Variants in MDGA2 observed in about 807,000 individuals in gnomAD.
MDGA2 encodes the protein MAM domain-containing glycosylphosphatidylinositol anchor protein 2.
MDGA2 carries 40 observed loss-of-function variants against 117.8 expected under a neutral mutation model. The ratio of observed to expected loss-of-function variants is 0.34; its 90% CI spans 0.26 to 0.44. The LOEUF is 0.44. Among genes scored for constraint, MDGA2 ranks in the 20% least tolerant of loss-of-function variants. MDGA2 has a pLI of 1.00. For synonymous variants in MDGA2, 452 were observed against 439.0 expected, an observed-to-expected ratio of 1.03 and a Z score of -0.37; for missense variants, 1,123 against 1,250.6, an observed-to-expected ratio of 0.90 and a Z score of 1.54.
At chr14:47,399,120 G>A (rs761868819) in intron 1 of MDGA2, among the ~76,000 whole-genome samples, 1 of 152,016 alleles carries the variant, frequency 6.6e-6, no homozygotes, top group Non-Finnish European at 1.5e-5. Context: ...TAAAAATTTT[G>A]GTATTGAAAG....
chr14:47,401,024 T>A (rs1211420595), intron 1 of MDGA2, among the ~76,000 whole-genome samples: 1 of 151,642 alleles, frequency 6.6e-6, no homozygotes, highest in African/African-American at 2.4e-5. Context: ...CCTAAAGTGC[T>A]GGGATTACAG....
intron 1 of MDGA2, among the ~76,000 whole-genome samples, chr14:47,363,572 A>G (rs1037513807): frequency 6.6e-6 from 1 of 152,062 alleles, no homozygotes; most frequent in Non-Finnish European, 1.5e-5. Context: ...TCAAATTTAT[A>G]TACACACCAA....
intron 3 of MDGA2, among the ~76,000 whole-genome samples, chr14:47,192,533 TGAACCTGGGAGGCAGA>T (rs1050769291): frequency 6.6e-6 from 1 of 151,974 alleles, no homozygotes; most frequent in African/African-American, 2.4e-5. Flanking sequence ...GGAAATTGCT[TGAACCTGGGAGGCAGA>T]GAACCTGGGA....
chr14:47,342,850 T>C (rs909900113), intron 1 of MDGA2: 1 of 344,496 alleles, frequency 2.9e-6, no homozygotes, highest in African/African-American at 2.2e-5. Flanking sequence ...CAAAGAAAAC[T>C]TCCTTAAACA....
chr14:47,360,873 G>T (rs891980421), intron 1 of MDGA2, among the ~76,000 whole-genome samples: 3 of 152,002 alleles, frequency 2.0e-5, no homozygotes, highest in Non-Finnish European at 4.4e-5. Context: ...AAATAAATCA[G>T]ATACAGAAAG....
intron 1 of MDGA2, among the ~76,000 whole-genome samples, chr14:47,502,318 C>T (rs1894415771): frequency 6.6e-6 from 1 of 152,092 alleles, no homozygotes; most frequent in South Asian, 2.1e-4. Context: ...GAGTGAGACC[C>T]TCATTTCTAA....
At chr14:47,246,528 G>A (rs1399047670) in intron 2 of MDGA2, among the ~76,000 whole-genome samples, 1 of 151,600 alleles carries the variant, frequency 6.6e-6, no homozygotes, top group Admixed American at 6.6e-5. Context: ...AGAGACTACT[G>A]ACAGGTATAG....
intron 1 of MDGA2, among the ~76,000 whole-genome samples, chr14:47,572,248 AC>A (rs555506354): frequency 2.0e-4 from 31 of 152,316 alleles, no homozygotes; most frequent in Middle Eastern, 3.4e-3. Flanking sequence ...ACTATGAACA[AC>A]AATTTTGACT....
chr14:47,287,815 T>C (rs1039009027), intron 2 of MDGA2, among the ~76,000 whole-genome samples: 1 of 152,136 alleles, frequency 6.6e-6, no homozygotes, highest in African/African-American at 2.4e-5. Flanking sequence ...GATACTGGAA[T>C]AGAGTGAGCC....
intron 5 of MDGA2, among the ~76,000 whole-genome samples, chr14:47,119,296 G>A (rs1184399516): frequency 2.6e-5 from 4 of 151,106 alleles, no homozygotes; most frequent in Non-Finnish European, 5.9e-5. Flanking sequence ...CAATCTCCTG[G>A]CCTCGTGCTC....
At chr14:47,524,670 G>A (rs967243225) in intron 1 of MDGA2, among the ~76,000 whole-genome samples, 5 of 152,164 alleles carry the variant, frequency 3.3e-5, no homozygotes, top group South Asian at 4.1e-4. Flanking sequence ...GTCTTCTCTC[G>A]TACTAAGTTA....
intron 8 of MDGA2, among the ~76,000 whole-genome samples, chr14:47,019,398 T>C (rs1241334205): frequency 1.3e-5 from 2 of 152,326 alleles, no homozygotes; most frequent in East Asian, 3.9e-4. Flanking sequence ...TTGTTATTTT[T>C]GTTGTTGCTG....
chr14:47,120,104 C>T (rs568370177), intron 5 of MDGA2, among the ~76,000 whole-genome samples: 1 of 152,246 alleles, frequency 6.6e-6, no homozygotes, highest in South Asian at 2.1e-4. Flanking sequence ...ACAGATCCTA[C>T]CTTTTCCTTG....
chr14:47,616,882 T>A (rs1055701365), intron 1 of MDGA2, among the ~76,000 whole-genome samples: 2 of 152,158 alleles, frequency 1.3e-5, no homozygotes, highest in Admixed American at 1.3e-4. Flanking sequence ...TAAATTAAAA[T>A]TAATTAAAAT....
At chr14:47,075,941 C>A (rs550696923) in intron 6 of MDGA2, among the ~76,000 whole-genome samples, 1 of 151,982 alleles carries the variant, frequency 6.6e-6, no homozygotes. Flanking sequence ...CTATTCTCCT[C>A]GAATTAAGCT....
chr14:47,508,100 T>C (rs1894554356), intron 1 of MDGA2, among the ~76,000 whole-genome samples: 1 of 152,214 alleles, frequency 6.6e-6, no homozygotes, highest in African/African-American at 2.4e-5. Flanking sequence ...TTCCATTCTC[T>C]ATGGAAGACT....
chr14:47,361,765 T>G (rs1437937144), intron 1 of MDGA2, among the ~76,000 whole-genome samples: 1 of 152,074 alleles, frequency 6.6e-6, no homozygotes, highest in African/African-American at 2.4e-5. Flanking sequence ...ACTCAGTTGT[T>G]TGGTTGATCA....
intron 1 of MDGA2, among the ~76,000 whole-genome samples, chr14:47,543,482 T>C (rs1895394033): frequency 6.6e-6 from 1 of 152,148 alleles, no homozygotes; most frequent in Admixed American, 6.5e-5. Flanking sequence ...GGTTAAATCG[T>C]TGACACTTCA....
At chr14:46,892,331 G>A (rs753733444) in intron 10 of MDGA2, among the ~76,000 whole-genome samples, 1 of 151,566 alleles carries the variant, frequency 6.6e-6, no homozygotes, top group African/African-American at 2.4e-5. Context: ...AAACTGGCTC[G>A]TATCTTACAC....
Sources: allele counts gnomAD v4.1 joint callset (sites outside exome capture counted in the v4.1 genomes callset), GRCh38; gene constraint gnomAD v4.1.1; transcripts MANE v1.5; gene names NCBI Gene and HGNC (gene_info 2026-07-23, HGNC 2026-07-21).